GLS: variants seen among roughly 807,000 people sequenced by gnomAD.
The protein encoded by GLS is glutaminase kidney isoform, mitochondrial.
GLS carries 36 observed loss-of-function variants against 86.7 expected under a neutral mutation model. The observed-to-expected ratio is 0.42, with a 90% CI of 0.32 to 0.55. The LOEUF is 0.55. Ranked by LOEUF, GLS falls within the 20% of genes least tolerant of loss-of-function variation. The pLI, the probability that GLS is intolerant of heterozygous loss-of-function variation, is 0.17. For synonymous variants in GLS, 317 were observed against 305.9 expected, an observed-to-expected ratio of 1.04 and a Z score of -0.38; for missense variants, 528 against 833.4, an observed-to-expected ratio of 0.63 and a Z score of 4.51.
chr2:190,892,721 C>G (rs1688605745), intron 1 of GLS, among the ~76,000 whole-genome samples: 1 of 152,110 alleles, frequency 6.6e-6, no homozygotes, highest in South Asian at 2.1e-4. Context: ...CGAATTCATT[C>G]TCAGATCAAA....
rs1026219472 is a variant in GLS at position 190,935,298 on chromosome 2, T to G, written c.1650+3661T>G. On this transcript the variant is annotated intron_variant, in intron 14 of 17. Coordinates refer to ENST00000320717, the MANE Select transcript of GLS (RefSeq NM_014905.5). The surrounding 1 kb of genome is among the most constrained non-coding windows in gnomAD (Gnocchi z 4.2). Reference sequence around the variant, plus strand: ...AATTTATTTTAAGCTGATTTTATTGTTTTTTTTGTTTTGTTTTGTTTTGTT... The same window carrying G: ...AATTTATTTTAAGCTGATTTTATTGGTTTTTTTGTTTTGTTTTGTTTTGTT... 2 of 475,230 alleles carry G rather than the reference T, an allele frequency of 4.2e-6. No homozygotes were observed. Among genetic ancestry groups the G allele is most frequent in the Non-Finnish European group, 2.7e-6 (1 of 364,448 alleles). The allele number at this position is 475,230 out of a possible 1,614,324, so 29.4% of individuals were successfully genotyped here. A position where few individuals can be genotyped will look rare whatever the true frequency, so the allele number is the denominator to read the frequency against.
intron 9 of GLS, among the ~76,000 whole-genome samples, chr2:190,922,479 GTT>G (rs1172829775): frequency 1.3e-5 from 2 of 152,040 alleles, no homozygotes; most frequent in East Asian, 3.9e-4. Context: ...GTGCTCTTCT[GTT>G]ACCATATTTT....
Position 190,954,914 on chromosome 2 carries a change from C to G in GLS, c.1853+96C>G. 2.5e-6 allele frequency: 2 copies of G among 795,240 alleles called. No individual in the cohort carries two copies. Among genetic ancestry groups the G allele is most frequent in the South Asian group, 3.6e-5 (2 of 56,110 alleles). The allele number at this position is 795,240 out of a possible 1,614,324, so 49.3% of individuals were successfully genotyped here. On this transcript the variant is annotated intron_variant, in intron 17 of 17. Coordinates refer to ENST00000320717, the MANE Select transcript of GLS (RefSeq NM_014905.5). The surrounding 1 kb of genome is among the most constrained non-coding windows in gnomAD (Gnocchi z 4.0). ...TAATATTTCAACCTACTAAGACATT[C>G]TTGAACCTGCTATGATATCTTATAA...
chr2:190,902,025 A>T lies in GLS; in HGVS notation c.814A>T (p.Arg272Trp), dbSNP rs1172948777. ...GVSVCTVDGQ[R>W]HSTGDTKVPF... ...GTCTGTTTGTACAGTAGATGGACAG[A>T]GGTAAGTTTATTTCAAATTCATGAA... Residue 272 changes from arginine (R) to tryptophan (W), a missense_variant and splice_region_variant, in exon 5 of 18, where the codon AGG becomes TGG. Around this residue, in one of 4 missense-constraint regions of GLS, gnomAD observed 111 missense variants for 179.5 expected, o/e 0.62. Transcript: ENST00000320717. The T allele has an allele frequency of 6.3e-7, 1 of 1,594,944 alleles. No homozygotes were observed. Among genetic ancestry groups the T allele is most frequent in the Admixed American group, 1.7e-5 (1 of 59,994 alleles).
chr2:190,942,067 C>CT (rs3036653), intron 14 of GLS, among the ~76,000 whole-genome samples: 1,080 of 37,946 alleles, frequency 0.028, 339 homozygotes, highest in East Asian at 0.088. Flanking sequence ...ACTTTGAAGA[C>CT]TTTTTTTTTT....
intron 5 of GLS, among the ~76,000 whole-genome samples, chr2:190,903,570 CTTTGAA>C (rs1689026707): frequency 6.6e-6 from 1 of 152,102 alleles, no homozygotes; most frequent in Admixed American, 6.5e-5. Flanking sequence ...TAATGGAAGT[CTTTGAA>C]TTTGAAGAAA....
intron 14 of GLS, chr2:190,934,534 T>C (rs958043204): frequency 5.1e-6 from 5 of 983,650 alleles, no homozygotes; most frequent in Non-Finnish European, 6.0e-6. Flanking sequence ...GTGTTGCATA[T>C]TTATGTTAGT....
chr2:190,900,714 A>G (rs904033241), intron 4 of GLS, 21 bp downstream of exon 4: 40 of 1,584,244 alleles, frequency 2.5e-5, no homozygotes, highest in Non-Finnish European at 3.3e-5. Flanking sequence ...TGATGTACAT[A>G]TTTTCATAAC....
intron 6 of GLS, among the ~76,000 whole-genome samples, chr2:190,906,488 T>C (rs1689139981): frequency 6.6e-6 from 1 of 152,218 alleles, no homozygotes; most frequent in Non-Finnish European, 1.5e-5. Flanking sequence ...GAATTATTGA[T>C]ACTGTATTCT....
Position 190,914,234 on chromosome 2 carries a change from C to A in GLS, c.1038+3913C>A, listed in dbSNP as rs558920847. ...ATTTGTAATCATACTCATTGAAAAT[C>A]AAGACAAGCTTAGTTAATGTATATG... On this transcript the variant is annotated intron_variant, in intron 7 of 17. Transcript: ENST00000320717. The surrounding 1 kb of genome is among the most constrained non-coding windows in gnomAD (Gnocchi z 4.4). Among the ~76,000 whole-genome samples the A allele has an allele frequency of 5.9e-4, 90 of 151,984 alleles. No individual in the cohort carries two copies. Among genetic ancestry groups the A allele is most frequent in the African/African-American group, 2.0e-3 (84 of 41,430 alleles).
intron 6 of GLS, among the ~76,000 whole-genome samples, chr2:190,908,602 A>G (rs185978344): frequency 3.0e-4 from 45 of 152,344 alleles, no homozygotes; most frequent in African/African-American, 9.1e-4. Flanking sequence ...AAACTTTTTT[A>G]AATTAAAAAT....
At chr2:190,911,229 A>C (rs1689347986) in intron 7 of GLS, among the ~76,000 whole-genome samples, 1 of 152,042 alleles carries the variant, frequency 6.6e-6, no homozygotes, top group African/African-American at 2.4e-5. Context: ...CCCTGGTTAC[A>C]TGAAGGATAT....
intron 3 of GLS, chr2:190,896,610 T>G (rs1219878987): frequency 6.6e-6 from 1 of 152,202 alleles, no homozygotes; most frequent in Admixed American, 6.5e-5. Flanking sequence ...TCCTGGAGTA[T>G]GAAGTCATCT....
intron 12 of GLS, among the ~76,000 whole-genome samples, chr2:190,929,524 C>T (rs887800753): frequency 1.1e-4 from 17 of 151,420 alleles, no homozygotes; most frequent in Non-Finnish European, 2.4e-4. Context: ...GGCTGGAGTG[C>T]AGTGGTGCGA....
In GLS at chr2:190,920,934, T is replaced by C. The variant is rs952763001; in HGVS notation, c.1039-90T>C. On this transcript the variant is annotated intron_variant, in intron 7 of 17. Coordinates refer to ENST00000320717, the MANE Select transcript of GLS (RefSeq NM_014905.5). This position sits in a 1 kb window ranked among gnomAD's most constrained non-coding sequence, Gnocchi z 4.2. ...TTAAAAATACTAATGCAGTATATTA[T>C]AATAGTAGCTTTGAAATTTTGATAT... is the stretch of plus-strand genomic sequence containing the variant. 3 of 700,018 alleles carry C rather than the reference T, an allele frequency of 4.3e-6. No homozygotes were observed. The South Asian group carries it at 4.9e-5, about 11-fold the overall frequency. The allele number at this position is 700,018 out of a possible 1,614,324, so 43.4% of individuals were successfully genotyped here. A position where few individuals can be genotyped will look rare whatever the true frequency, so the allele number is the denominator to read the frequency against.
At position 190,920,955 on chromosome 2, in the gene GLS, G is replaced by T; in HGVS notation, c.1039-69G>T. On this transcript the variant is annotated intron_variant, in intron 7 of 17. Coordinates refer to ENST00000320717, the MANE Select transcript of GLS (RefSeq NM_014905.5). The surrounding 1 kb of genome is among the most constrained non-coding windows in gnomAD (Gnocchi z 4.2). ...ATTATAATAGTAGCTTTGAAATTTT[G>T]ATATTGGCTTGAAACTTAACTGTAG... is the stretch of plus-strand genomic sequence containing the variant. The T allele has an allele frequency of 1.3e-6, 1 of 791,746 alleles. No homozygotes were observed. The highest frequency in any genetic ancestry group is 2.2e-6 in the Non-Finnish European group (1 of 454,808). 49.0% of individuals were successfully genotyped at this position (791,746 alleles called of 1,614,324 possible). A position where few individuals can be genotyped will look rare whatever the true frequency, so the allele number is the denominator to read the frequency against.
At position 190,920,896 on chromosome 2, in the gene GLS, C is replaced by G; in HGVS notation, c.1039-128C>G. 1.8e-6 allele frequency: 1 copy of G among 570,202 alleles called. No homozygotes were observed. Among genetic ancestry groups the G allele is most frequent in the Non-Finnish European group, 3.2e-6 (1 of 314,886 alleles). The allele number at this position is 570,202 out of a possible 1,614,324, so 35.3% of individuals were successfully genotyped here. On this transcript the variant is annotated intron_variant, in intron 7 of 17. Transcript: ENST00000320717. The surrounding 1 kb of genome is among the most constrained non-coding windows in gnomAD (Gnocchi z 4.2). ...ATATAAATGTTAAATTACTTTAGAA[C>G]TATTTCCTAGATTTAAAAATACTAA... is the stretch of plus-strand genomic sequence containing the variant.
chr2:190,930,716 G>C lies in GLS; in HGVS notation c.1557+148G>C, dbSNP rs1172361604. ...CTAGGGAGCCGTGGAAATACTCCCA[G>C]AGGAGCTTCAAGTTGTCTCTGTCAG... On this transcript the variant is annotated intron_variant, in intron 13 of 17. Transcript: ENST00000320717. The surrounding 1 kb of genome is among the most constrained non-coding windows in gnomAD (Gnocchi z 5.0). 1 of 619,274 alleles carries C rather than the reference G, an allele frequency of 1.6e-6. No individual in the cohort carries two copies. The highest frequency in any genetic ancestry group is 1.9e-5 in the African/African-American group (1 of 52,080). The allele number at this position is 619,274 out of a possible 1,614,324, so 38.4% of individuals were successfully genotyped here.
chr2:190,944,439 T>C (rs1690531128), intron 14 of GLS, among the ~76,000 whole-genome samples: 2 of 152,316 alleles, frequency 1.3e-5, no homozygotes, highest in South Asian at 4.1e-4. Context: ...AGAAAGATAG[T>C]GAATGAGAAA....
Sources: allele counts gnomAD v4.1 joint callset (sites outside exome capture counted in the v4.1 genomes callset), GRCh38; gene constraint gnomAD v4.1.1; regional missense constraint gnomAD v4.1.1; non-coding constraint Gnocchi (gnomAD v3.1); transcripts MANE v1.5; gene names NCBI Gene and HGNC (gene_info 2026-07-23, HGNC 2026-07-21).